Variants in CADM2 observed in about 807,000 individuals in gnomAD.
The protein encoded by CADM2 is immunoglobulin superfamily member 4D.
A neutral mutation model predicts 49.8 loss-of-function variants in CADM2; 12 were observed. The observed-to-expected ratio is 0.24, with a 90% confidence interval of 0.15 to 0.39. CADM2 has a LOEUF of 0.39. Ranked by LOEUF, CADM2 falls within the 10% of genes least tolerant of loss-of-function variation. The probability of loss-of-function intolerance (pLI) is 1.00; values close to 1 mark genes in which losing one functional copy is unlikely to be tolerated. For synonymous variants in CADM2, 214 were observed against 175.4 expected (o/e 1.22, Z -1.74); for missense variants, 378 against 492.3 (o/e 0.77, Z 2.20).
chr3:85,920,530 T>TAG (rs1474041521), intron 6 of CADM2, among the ~76,000 whole-genome samples: 16 of 151,836 alleles, frequency 1.1e-4, no homozygotes, highest in African/African-American at 3.6e-4. Flanking sequence ...AAAGATAGCC[T>TAG]AGAGTGTGAC....
In CADM2 at chr3:85,027,902, A is replaced by G. The variant is rs989955655; in HGVS notation, c.61+68234A>G. On this transcript the variant is annotated intron_variant, in intron 1 of 9. Coordinates refer to ENST00000383699, the MANE Select transcript of CADM2 (RefSeq NM_001167675.2). Reference sequence around the variant, plus strand: ...AGTCTTAACTTGAACATAGATCTCAATCATAAAATTATCTCCCTATAATTT... The same window carrying G: ...AGTCTTAACTTGAACATAGATCTCAGTCATAAAATTATCTCCCTATAATTT... Among the ~76,000 whole-genome samples, 13 of 152,158 alleles carry G rather than the reference A, an allele frequency of 8.5e-5. 1 individual carries two copies. Among genetic ancestry groups the G allele is most frequent in the Admixed American group, 8.5e-4 (13 of 15,282 alleles).
chr3:85,487,495 AGAGGAGTAGGAGGAAGTGGAG>A (rs1279823426), intron 1 of CADM2, among the ~76,000 whole-genome samples: 2 of 151,528 alleles, frequency 1.3e-5, no homozygotes, highest in African/African-American at 4.8e-5. Context: ...AGGAGGAGGA[AGAGGAGTAGGAGGAAGTGGAG>A]GAGGAGAAGG....
chr3:85,498,549 C>T (rs1305754267), intron 1 of CADM2, among the ~76,000 whole-genome samples: 1 of 152,106 alleles, frequency 6.6e-6, no homozygotes, highest in African/African-American at 2.4e-5. Context: ...TATTGCATAA[C>T]ACTGCTGTGA....
chr3:85,792,735 G>C (rs1251238573), intron 2 of CADM2, among the ~76,000 whole-genome samples: 7 of 152,320 alleles, frequency 4.6e-5, no homozygotes, highest in Admixed American at 3.3e-4. Context: ...AGATAGCAAG[G>C]CTTGAATGAT....
At chr3:85,998,224 A>G (rs1216180637) in intron 8 of CADM2, among the ~76,000 whole-genome samples, 3 of 152,124 alleles carry the variant, frequency 2.0e-5, no homozygotes, top group Non-Finnish European at 2.9e-5. Flanking sequence ...TTTAATTTCT[A>G]TTTTGAAAAA....
chr3:85,767,841 G>T (rs1003895542), intron 2 of CADM2, among the ~76,000 whole-genome samples: 5 of 152,056 alleles, frequency 3.3e-5, no homozygotes, highest in Admixed American at 3.3e-4. Context: ...TATAAAAGAT[G>T]CTGGTAGAGC....
intron 3 of CADM2, among the ~76,000 whole-genome samples, chr3:85,856,054 G>A (rs1434038693): frequency 6.6e-6 from 1 of 152,142 alleles, no homozygotes; most frequent in Non-Finnish European, 1.5e-5. Context: ...TCTTGGAACT[G>A]CACCCTTCCA....
At chr3:85,473,639 AGTCTTGAGCCT>A (rs2038859303) in intron 1 of CADM2, among the ~76,000 whole-genome samples, 1 of 152,052 alleles carries the variant, frequency 6.6e-6, no homozygotes, top group African/African-American at 2.4e-5. Flanking sequence ...AACTAGAAAA[AGTCTTGAGCCT>A]GTCTAACAAA....
intron 1 of CADM2, among the ~76,000 whole-genome samples, chr3:85,453,759 A>T (rs2037860994): frequency 6.6e-6 from 1 of 152,208 alleles, no homozygotes. Context: ...AAATAATTAG[A>T]TTTAAACTAT....
At chr3:85,052,035 T>C (rs2035901178) in intron 1 of CADM2, among the ~76,000 whole-genome samples, 1 of 152,138 alleles carries the variant, frequency 6.6e-6, no homozygotes, top group Non-Finnish European at 1.5e-5. Flanking sequence ...AATAACTGCC[T>C]AGCATATTCC....
intron 8 of CADM2, among the ~76,000 whole-genome samples, chr3:86,040,463 A>C (rs1735733585): frequency 6.6e-6 from 1 of 152,210 alleles, no homozygotes; most frequent in Non-Finnish European, 1.5e-5. Context: ...TGATTCGATC[A>C]ACTGGAAGAA....
chr3:85,619,653 A>T lies in CADM2; in HGVS notation c.62-106869A>T, dbSNP rs117871220. Among the ~76,000 whole-genome samples the T allele has an allele frequency of 6.0e-4, 91 of 152,306 alleles. 1 individual carries two copies. The East Asian group carries it at 0.015, about 25-fold the overall frequency. On this transcript the variant is annotated intron_variant, in intron 1 of 9. Coordinates refer to ENST00000383699, the MANE Select transcript of CADM2 (RefSeq NM_001167675.2). ...AGTTAGTACCAAAGGACTTGTGAGG[A>T]TTAAGATATTCTGAGAATCACTATC...
At position 85,249,214 on chromosome 3, in the gene CADM2, C is replaced by T. The variant is rs114177156; in HGVS notation, c.61+289546C>T. 3.1e-3 allele frequency among the ~76,000 whole-genome samples: 471 copies of T among 152,180 alleles called. 1 individual carries two copies. Among genetic ancestry groups the T allele is most frequent in the African/African-American group, 9.8e-3 (408 of 41,564 alleles). On this transcript the variant is annotated intron_variant, in intron 1 of 9. Coordinates refer to ENST00000383699, the MANE Select transcript of CADM2 (RefSeq NM_001167675.2). ...ATGTCTTCTGCCCCAAACCACATCT[C>T]TTACTGTGACTTGTATTTAGACCAG... is the stretch of plus-strand genomic sequence containing the variant.
intron 8 of CADM2, among the ~76,000 whole-genome samples, chr3:86,007,940 AAAC>A (rs1182358194): frequency 6.6e-6 from 1 of 152,188 alleles, no homozygotes; most frequent in African/African-American, 2.4e-5. Flanking sequence ...AATTAATCTC[AAAC>A]AGATCAAAAT....
In CADM2 at chr3:85,146,232, G is replaced by C. The variant is rs1390997488; in HGVS notation, c.61+186564G>C. ...AACAACACCCAAATAACCAAATAAT[G>C]ATCTTGATGGCCTTTTATAATATTA... On this transcript the variant is annotated intron_variant, in intron 1 of 9. Transcript: ENST00000383699. Among the ~76,000 whole-genome samples, 3 of 152,114 alleles carry C rather than the reference G, an allele frequency of 2.0e-5. No individual in the cohort carries two copies. The East Asian group carries it at 5.8e-4, about 29-fold the overall frequency.
At chr3:85,197,217 A>T (rs1483953916) in intron 1 of CADM2, among the ~76,000 whole-genome samples, 1 of 151,748 alleles carries the variant, frequency 6.6e-6, no homozygotes, top group Admixed American at 6.6e-5. Flanking sequence ...TTTTGCCCTT[A>T]TGGACTTATT....
At chr3:85,330,284 G>C (rs1041110202) in intron 1 of CADM2, among the ~76,000 whole-genome samples, 1 of 152,108 alleles carries the variant, frequency 6.6e-6, no homozygotes, top group Non-Finnish European at 1.5e-5. Context: ...TGTTGAACTG[G>C]ATGAGTCGCT....
chr3:86,015,442 C>G (rs1274848150), intron 8 of CADM2, among the ~76,000 whole-genome samples: 2 of 152,114 alleles, frequency 1.3e-5, no homozygotes, highest in Non-Finnish European at 2.9e-5. Flanking sequence ...TTGGGTGTTA[C>G]AAATTCTTTG....
At chr3:85,669,868 TGTTGTC>T (rs1559582226) in intron 1 of CADM2, among the ~76,000 whole-genome samples, 1 of 152,124 alleles carries the variant, frequency 6.6e-6, no homozygotes. Flanking sequence ...TTCTTTTTAT[TGTTGTC>T]GTTGTCGTTA....
Sources: allele counts gnomAD v4.1 joint callset (sites outside exome capture counted in the v4.1 genomes callset), GRCh38; gene constraint gnomAD v4.1.1; transcripts MANE v1.5; gene names NCBI Gene and HGNC (gene_info 2026-07-23, HGNC 2026-07-21).